The following FSTL4 variants were observed in gnomAD, a reference collection of about 807,000 sequenced individuals.
The protein encoded by FSTL4 is follistatin-related protein 4.
In FSTL4, 28 loss-of-function variants were observed where a neutral mutation model predicts 78.2. The observed-to-expected ratio is 0.36, with a 90% CI of 0.27 to 0.49. FSTL4 has a LOEUF of 0.49. Ranked by LOEUF, FSTL4 falls within the 20% of genes least tolerant of loss-of-function variation. FSTL4 has a pLI of 0.98. For synonymous variants in FSTL4, 422 were observed against 440.5 expected (o/e 0.96, Z 0.53); for missense variants, 922 against 1,084.9 (o/e 0.85, Z 2.11).
chr5:133,561,819 A>G (rs958967744), intron 3 of FSTL4, among the ~76,000 whole-genome samples: 2 of 152,194 alleles, frequency 1.3e-5, no homozygotes, highest in African/African-American at 4.8e-5. Context: ...CCAATTGGTC[A>G]TGATCAAAAC....
chr5:133,549,423 A>C (rs922359307), intron 3 of FSTL4, among the ~76,000 whole-genome samples: 1 of 152,144 alleles, frequency 6.6e-6, no homozygotes, highest in Non-Finnish European at 1.5e-5. Context: ...TATTTTTCAA[A>C]TAATCAAGAT....
chr5:133,641,905 T>C, the FSTL4 span, among the ~76,000 whole-genome samples: 5 of 151,744 alleles, frequency 3.3e-5, no homozygotes, highest in Admixed American at 3.3e-4. Context: ...CCTCTTCTTC[T>C]TCCTCCTCCT....
the FSTL4 span, among the ~76,000 whole-genome samples, chr5:133,746,200 G>A: frequency 3.9e-5 from 6 of 152,190 alleles, no homozygotes; most frequent in African/African-American, 7.2e-5. Context: ...TGTTTCAAAA[G>A]ATTTGAGATC....
chr5:133,298,037 T>C (rs1320873473), intron 6 of FSTL4, among the ~76,000 whole-genome samples: 4 of 152,328 alleles, frequency 2.6e-5, no homozygotes, highest in South Asian at 2.1e-4. Flanking sequence ...CATAGCTTAG[T>C]AGGTAAGAAC....
chr5:133,249,347 C>T, intron 7 of FSTL4, 63 bp downstream of exon 7: 1 of 1,323,512 alleles, frequency 7.6e-7, no homozygotes, highest in East Asian at 2.3e-5. Context: ...TCTGTGGCAT[C>T]TTACCCAGTG....
At chr5:133,818,780 C>T in the FSTL4 span, among the ~76,000 whole-genome samples, 1 of 151,106 alleles carries the variant, frequency 6.6e-6, no homozygotes, top group East Asian at 2.0e-4. Context: ...CACCAAATCC[C>T]CTTTCAATTC....
chr5:133,207,073 G>GTTTC (rs902063289), intron 14 of FSTL4, among the ~76,000 whole-genome samples: 1 of 152,048 alleles, frequency 6.6e-6, no homozygotes, highest in East Asian at 1.9e-4. Flanking sequence ...AAAATTTAAA[G>GTTTC]TTTCTTTAGT....
At chr5:133,325,889 C>T (rs1233973228) in intron 4 of FSTL4, among the ~76,000 whole-genome samples, 1 of 152,226 alleles carries the variant, frequency 6.6e-6, no homozygotes, top group Non-Finnish European at 1.5e-5. Flanking sequence ...CACACTTTCC[C>T]CATTAGCCTG....
intron 11 of FSTL4, 114 bp downstream of exon 11, chr5:133,224,076 T>C: frequency 1.4e-6 from 1 of 703,114 alleles, no homozygotes; most frequent in South Asian, 2.0e-5. Flanking sequence ...GACTTCCTGC[T>C]CCCATAGGGC....
intron 2 of FSTL4, among the ~76,000 whole-genome samples, chr5:133,593,962 C>G (rs1760690016): frequency 6.6e-6 from 1 of 151,188 alleles, no homozygotes; most frequent in South Asian, 2.1e-4. Flanking sequence ...TCTTCAACCA[C>G]TTAGCCAGCC....
Position 133,440,271 on chromosome 5 carries a change from T to C in FSTL4, c.161-39285A>G, listed in dbSNP as rs1278804971. Among the ~76,000 whole-genome samples, 2 of 152,086 alleles carry C rather than the reference T, an allele frequency of 1.3e-5. No homozygotes were observed. Among genetic ancestry groups the C allele is most frequent in the Admixed American group, 6.5e-5 (1 of 15,286 alleles). The stretch of plus-strand genomic sequence containing the variant: ...GGTGTCTTGACAGGAACAAGACACA[T>C]CATTTGGGTGGCTGTGGGCAGCTCA... On this transcript the variant is annotated intron_variant, in intron 3 of 15. Transcript: ENST00000265342. This position sits in a 1 kb window ranked among gnomAD's most constrained non-coding sequence, Gnocchi z 4.1.
At chr5:133,535,770 T>C (rs572742437) in intron 3 of FSTL4, among the ~76,000 whole-genome samples, 1 of 152,280 alleles carries the variant, frequency 6.6e-6, no homozygotes, top group South Asian at 2.1e-4. Flanking sequence ...GTCTATGACA[T>C]TTTGTTATAG....
intron 3 of FSTL4, among the ~76,000 whole-genome samples, chr5:133,519,644 T>C (rs1284386686): frequency 6.6e-6 from 1 of 152,254 alleles, no homozygotes; most frequent in Non-Finnish European, 1.5e-5. Flanking sequence ...ATGCAATAAC[T>C]ACCTGTACTT....
At chr5:133,273,289 T>A (rs560783003) in intron 6 of FSTL4, among the ~76,000 whole-genome samples, 1 of 152,362 alleles carries the variant, frequency 6.6e-6, no homozygotes, top group East Asian at 1.9e-4. Context: ...TAATGAGATA[T>A]TTACCTTCTT....
chr5:133,518,190 C>A (rs1355880806), intron 3 of FSTL4, among the ~76,000 whole-genome samples: 13 of 152,044 alleles, frequency 8.6e-5, no homozygotes, highest in Non-Finnish European at 4.4e-5. Context: ...GTTTATCAGG[C>A]CTACCATAAA....
chr5:133,722,883 G>C, the FSTL4 span, among the ~76,000 whole-genome samples: 1 of 152,212 alleles, frequency 6.6e-6, no homozygotes, highest in South Asian at 2.1e-4. Flanking sequence ...AGTGATGAAT[G>C]CAAGTGCCTC....
At chr5:133,260,066 T>A (rs1752481813) in intron 6 of FSTL4, among the ~76,000 whole-genome samples, 1 of 152,238 alleles carries the variant, frequency 6.6e-6, no homozygotes, top group Non-Finnish European at 1.5e-5. Flanking sequence ...GGCATTCTTG[T>A]TACTAAAAAC....
At chr5:133,788,899 G>C in the FSTL4 span, among the ~76,000 whole-genome samples, 1 of 152,136 alleles carries the variant, frequency 6.6e-6, no homozygotes, top group African/African-American at 2.4e-5. Flanking sequence ...CGTTTTTATT[G>C]GAAGAAGGTG....
chr5:133,733,994 G>A, the FSTL4 span, among the ~76,000 whole-genome samples: 1 of 152,224 alleles, frequency 6.6e-6, no homozygotes, highest in Non-Finnish European at 1.5e-5. Flanking sequence ...TGGCAACTGG[G>A]TTCCTCAACA....
Sources: gnomAD v4.1 joint callset for allele counts (sites outside exome capture counted in the v4.1 genomes callset) on GRCh38, gnomAD v4.1.1 for gene constraint, Gnocchi (gnomAD v3.1) non-coding constraint, MANE v1.5 for transcripts, NCBI Gene and HGNC (gene_info 2026-07-23, HGNC 2026-07-21) for gene names.